KAT2A: variants seen among roughly 807,000 people sequenced by gnomAD.
The protein encoded by KAT2A is lysine acetyltransferase 2A, also known as histone acetyltransferase KAT2A.
A neutral mutation model predicts 95.2 loss-of-function variants in KAT2A; 42 were observed. The observed-to-expected ratio is 0.44, with a 90% CI of 0.34 to 0.57. The LOEUF is 0.57. Ranked by LOEUF, KAT2A falls within the 20% of genes least tolerant of loss-of-function variation. The pLI, the probability that KAT2A is intolerant of heterozygous loss-of-function variation, is 0.01. For missense variants in KAT2A, 784 were observed against 1,126.3 expected (o/e 0.70, Z 4.35); for synonymous variants, 449 against 448.2 (o/e 1.00, Z -0.02).
At chr17:42,118,938 GGA>G (rs2054298642) in intron 6 of KAT2A, 2 of 929,140 alleles carry the variant, frequency 2.2e-6, no homozygotes. Context: ...CTGGTTTCTT[GGA>G]GAGTTGTGCA....
chr17:42,121,079 G>T lies in KAT2A; in HGVS notation c.226C>A (p.Pro76Thr). ...TGCTGGCTCAGGCCAGGTCGAGCCG[G>T]ATCCCCCCCGCTCCCGGCCCCCCCA... Reference protein sequence around the residue: ...GSGGAGSGGDPARPGLSQQQR... With the variant: ...GSGGAGSGGDTARPGLSQQQR... Residue 76 changes from proline (P) to threonine (T), a missense_variant, in exon 1 of 18, where the codon CCG becomes ACG. Coordinates refer to ENST00000225916, the MANE Select transcript of KAT2A (RefSeq NM_021078.3). The T allele has an allele frequency of 1.9e-6, 3 of 1,560,402 alleles. No individual in the cohort carries two copies. Among genetic ancestry groups the T allele is most frequent in the Non-Finnish European group, 2.6e-6 (3 of 1,155,978 alleles).
chr17:42,114,563 G>T lies in KAT2A; in HGVS notation c.2061C>A (p.Arg687=), dbSNP rs782466481. 1.9e-6 allele frequency: 3 copies of T among 1,614,044 alleles called. No homozygotes were observed. Among genetic ancestry groups the T allele is most frequent in the Non-Finnish European group, 2.5e-6 (3 of 1,179,986 alleles). The change falls in exon 14 of 18, where the codon CGC becomes CGA. Residue 687 remains arginine (R), a synonymous_variant. Coordinates refer to ENST00000225916, the MANE Select transcript of KAT2A (RefSeq NM_021078.3). The surrounding 1 kb of genome is among the most constrained non-coding windows in gnomAD (Gnocchi z 6.0). The part of the protein sequence containing the change: ...KLIERKQAQI[R]KVYPGLSCFK... ...AGCAGCTGAGCCCCGGGTAGACCTT[G>T]CGGATCTGGGCCTGTTTGCGCTCAA...
intron 6 of KAT2A, 133 bp from the exon 7 acceptor site, chr17:42,118,536 G>A (rs899342178): frequency 3.8e-5 from 25 of 649,380 alleles, no homozygotes; most frequent in African/African-American, 1.8e-5. Context: ...AGAGGGGACA[G>A]CCCCTGTCTT....
In KAT2A at chr17:42,118,210, T is replaced by G. The variant is rs1308204625; in HGVS notation, c.1180+87A>C. ...AGGTCCCTCAGTGGGATCCAGGGCC[T>G]CCGGCCCAGGTGAGCTCTCTTCCAC... On this transcript the variant is annotated intron_variant, in intron 7 of 17. Transcript: ENST00000225916. 1.6e-5 allele frequency: 18 copies of G among 1,092,386 alleles called. No homozygotes were observed. The African/African-American group carries it at 2.5e-4, about 15-fold the overall frequency. The allele number at this position is 1,092,386 out of a possible 1,614,324, so 67.7% of individuals were successfully genotyped here.
chr17:42,117,657 TCAG>T lies in KAT2A; in HGVS notation c.1428+18_1428+20del, dbSNP rs781801669. On this transcript the variant is annotated intron_variant, in intron 9 of 17. Coordinates refer to ENST00000225916, the MANE Select transcript of KAT2A (RefSeq NM_021078.3). This position sits in a 1 kb window ranked among gnomAD's most constrained non-coding sequence, Gnocchi z 8.9. ...AGGTTGGTGGGGGTCCCCCAACTGG[TCAG>T]CAGGTCGGGCTGCCCACCTCAGGCC... 8 of 1,606,206 alleles carry T rather than the reference TCAG, an allele frequency of 5.0e-6. No individual in the cohort carries two copies. In the East Asian group the frequency reaches 1.3e-4, roughly 27 times the overall value.
At chr17:42,116,973 G>T (rs1232471051) in intron 11 of KAT2A, 62 bp downstream of exon 11, 1 of 1,597,792 alleles carries the variant, frequency 6.3e-7, no homozygotes, top group Non-Finnish European at 8.5e-7. Context: ...CTGCTGCTCC[G>T]AACTGGCCCA....
At position 42,114,828 on chromosome 17, in the gene KAT2A, G is replaced by A. The variant is rs781991174; in HGVS notation, c.2019+64C>T. 448 of 1,541,614 alleles carry A rather than the reference G, an allele frequency of 2.9e-4. 2 individuals are homozygous for A. The highest frequency in any genetic ancestry group is 6.7e-4 in the East Asian group (30 of 44,546). ...GTAGACGTAGAACAGGTCTACACAC[G>A]TGTGCTCGCCCTCTGCATGCCCATT... On this transcript the variant is annotated intron_variant, in intron 13 of 17. Coordinates refer to ENST00000225916, the MANE Select transcript of KAT2A (RefSeq NM_021078.3). This position sits in a 1 kb window ranked among gnomAD's most constrained non-coding sequence, Gnocchi z 6.0.
At position 42,119,222 on chromosome 17, in the gene KAT2A, TG is replaced by T. The variant is rs1555666747; in HGVS notation, c.1073+22del. 1 of 1,580,660 alleles carries T rather than the reference TG, an allele frequency of 6.3e-7. No homozygotes were observed. The highest frequency in any genetic ancestry group is 8.6e-7 in the Non-Finnish European group (1 of 1,159,694). On this transcript the variant is annotated intron_variant, in intron 6 of 17. Coordinates refer to ENST00000225916, the MANE Select transcript of KAT2A (RefSeq NM_021078.3). This position sits in a 1 kb window ranked among gnomAD's most constrained non-coding sequence, Gnocchi z 5.3. ...AGGATGTGAACTTGGGGCCAAATCC[TG>T]GTAGGCCAGAAGGAGCCTTACTTGG... is the stretch of plus-strand genomic sequence containing the variant.
chr17:42,113,887 C>A, intron 17 of KAT2A, 45 bp from the exon 18 acceptor site: 2 of 1,512,144 alleles, frequency 1.3e-6, no homozygotes, highest in Non-Finnish European at 8.8e-7. Context: ...GGCTGAAGAC[C>A]ACGGCAGGGC....
intron 2 of KAT2A, 41 bp downstream of exon 2, chr17:42,120,665 C>T: frequency 6.2e-7 from 1 of 1,613,006 alleles, no homozygotes; most frequent in East Asian, 2.2e-5. Context: ...CAAGCAGGAC[C>T]CAGCACCTGC....
rs35184688 is a variant in KAT2A at position 42,120,388 on chromosome 17, G to A, written c.464-18C>T. The A allele has an allele frequency of 6.8e-6, 11 of 1,613,384 alleles. No homozygotes were observed. The highest frequency in any genetic ancestry group is 9.3e-6 in the Non-Finnish European group (11 of 1,179,480). ...GTGGTCAGCTGCAAGACAGATGGCAGAGTTAGGAAAAATTGATAGAAGAAA... is the reference window on the plus strand; with the variant it reads ...GTGGTCAGCTGCAAGACAGATGGCAAAGTTAGGAAAAATTGATAGAAGAAA... On this transcript the variant is annotated intron_variant, in intron 2 of 17. Coordinates refer to ENST00000225916, the MANE Select transcript of KAT2A (RefSeq NM_021078.3).
At position 42,119,262 on chromosome 17, in the gene KAT2A, G is replaced by A. The variant is rs1255954234; in HGVS notation, c.1056C>T (p.Ile352=). The change falls in exon 6 of 18, where the codon ATC becomes ATT. Residue 352 remains isoleucine (I), a synonymous_variant. Coordinates refer to ENST00000225916, the MANE Select transcript of KAT2A (RefSeq NM_021078.3). The surrounding 1 kb of genome is among the most constrained non-coding windows in gnomAD (Gnocchi z 5.3). ...AGCCTTACTTGGGGAAGTGAGTGAGGATGAGGGTCCTCTTCTCGGGCACCA... is the reference window on the plus strand; with the variant it reads ...AGCCTTACTTGGGGAAGTGAGTGAGAATGAGGGTCCTCTTCTCGGGCACCA... ...DKLVPEKRTL[I]LTHFPKFLSM... is the part of the protein sequence containing the mutation. 11 of 1,611,318 alleles carry A rather than the reference G, an allele frequency of 6.8e-6. No individual in the cohort carries two copies. Among genetic ancestry groups the A allele is most frequent in the Admixed American group, 5.0e-5 (3 of 59,866 alleles).
chr17:42,119,623 A>C lies in KAT2A; in HGVS notation c.795T>G (p.Leu265=). 2 of 1,614,078 alleles carry C rather than the reference A, an allele frequency of 1.2e-6. No homozygotes were observed. Among genetic ancestry groups the C allele is most frequent in the East Asian group, 2.2e-5 (1 of 44,870 alleles). Residue 265 remains leucine (L), a synonymous_variant, in exon 5 of 18, where the codon CTT becomes CTG. Transcript: ENST00000225916. The surrounding 1 kb of genome is among the most constrained non-coding windows in gnomAD (Gnocchi z 5.3). ...FELSKMFLLC[L]NYWKLETPAQ... ...CAGGTGTCTCAAGCTTCCAGTAGTT[A>C]AGGCAGAGCAAGAACATCTTTGAGA...
In KAT2A at chr17:42,119,327, G is replaced by A; in HGVS notation, c.991C>T (p.Arg331Trp). ...ACTCGGAACTTTTCCAGCAGCTGCC[G>A]GCGGGTAACGGTGAAAATGGACCGG... ...LLRSIFTVTR[R>W]QLLEKFRVEK... The change falls in exon 6 of 18, where the codon CGG (arginine) becomes TGG (tryptophan). Residue 331 changes from arginine to tryptophan, a missense_variant. Transcript: ENST00000225916. This position sits in a 1 kb window ranked among gnomAD's most constrained non-coding sequence, Gnocchi z 5.3. 3 of 1,614,124 alleles carry A rather than the reference G, an allele frequency of 1.9e-6. No individual in the cohort carries two copies. Among genetic ancestry groups the A allele is most frequent in the Non-Finnish European group, 1.7e-6 (2 of 1,179,974 alleles).
Position 42,117,857 on chromosome 17 carries a change from G to T in KAT2A, c.1292-43C>A. The T allele has an allele frequency of 1.2e-6, 2 of 1,608,494 alleles. No individual in the cohort carries two copies. The highest frequency in any genetic ancestry group is 1.7e-6 in the Non-Finnish European group (2 of 1,176,034). On this transcript the variant is annotated intron_variant, in intron 8 of 17. Transcript: ENST00000225916. This position sits in a 1 kb window ranked among gnomAD's most constrained non-coding sequence, Gnocchi z 8.9. Reference sequence around the variant, plus strand: ...AAGGTTGCTCAGGATCAGTAAAAAAGGTTTGGGAAGGAGTGAATGAGGGTC... The same window carrying T: ...AAGGTTGCTCAGGATCAGTAAAAAATGTTTGGGAAGGAGTGAATGAGGGTC...
At position 42,114,884 on chromosome 17, in the gene KAT2A, C is replaced by T. The variant is rs1568009890; in HGVS notation, c.2019+8G>A. 15 of 1,613,862 alleles carry T rather than the reference C, an allele frequency of 9.3e-6. No homozygotes were observed. The highest frequency in any genetic ancestry group is 1.2e-5 in the Non-Finnish European group (14 of 1,179,856). On this transcript the variant is annotated splice_region_variant and intron_variant, in intron 13 of 17. Coordinates refer to ENST00000225916, the MANE Select transcript of KAT2A (RefSeq NM_021078.3). This position sits in a 1 kb window ranked among gnomAD's most constrained non-coding sequence, Gnocchi z 6.0. ...AAAATCCCACAGATGCGCATGTGTG[C>T]ACACCACCTCTTTCTGCTTCTTGAT...
rs528562172 is a variant in KAT2A at position 42,115,703 on chromosome 17, G to A, written c.1875+20C>T. 2.7e-6 allele frequency: 4 copies of A among 1,486,082 alleles called. No homozygotes were observed. In the South Asian group the frequency reaches 4.5e-5, roughly 17 times the overall value. The allele number at this position is 1,486,082 out of a possible 1,614,324, so 92.1% of individuals were successfully genotyped here. On this transcript the variant is annotated intron_variant, in intron 12 of 17. Coordinates refer to ENST00000225916, the MANE Select transcript of KAT2A (RefSeq NM_021078.3). ...CAGCCTCCAGGCAAAGGACCGGTGT[G>A]GGACGAGGCTACGGGTCACCTGCTT...
rs1385110939 is a variant in KAT2A at position 42,114,058 on chromosome 17, C to T, written c.2262G>A (p.Met754Ile). 3 of 1,530,030 alleles carry T rather than the reference C, an allele frequency of 2.0e-6. No homozygotes were observed. Among genetic ancestry groups the T allele is most frequent in the Non-Finnish European group, 2.6e-6 (3 of 1,144,502 alleles). 94.8% of individuals were successfully genotyped at this position (1,530,030 alleles called of 1,614,324 possible). Reference protein sequence around the residue: ...IKSHPSAWPFMEPVKKSEAPD... With the variant: ...IKSHPSAWPFIEPVKKSEAPD... ...GGGCCTCCGACTTCTTCACAGGCTCCATGAAGGGCCAGGCACTGGGGTGAG... is the reference window on the plus strand; with the variant it reads ...GGGCCTCCGACTTCTTCACAGGCTCTATGAAGGGCCAGGCACTGGGGTGAG... Residue 754 changes from methionine to isoleucine, a missense_variant, in exon 17 of 18, where the codon ATG (methionine) becomes ATA (isoleucine). By Grantham distance (10) the Met-to-Ile change is conservative. Around this residue, in one of 6 missense-constraint regions of KAT2A, gnomAD observed 195 missense variants for 247.1 expected, o/e 0.79. Coordinates refer to ENST00000225916, the MANE Select transcript of KAT2A (RefSeq NM_021078.3). The surrounding 1 kb of genome is among the most constrained non-coding windows in gnomAD (Gnocchi z 6.0).
rs781856289 is a variant in KAT2A, at chr17:42,117,801, C to T, written c.1305G>A (p.Thr435=). Reference sequence around the variant, plus strand: ...CCTCCAGGGTCAGGTTCTCTGGGAGCGTCCTCTTCTCGCCTATTGGGGAGG... The same window carrying T: ...CCTCCAGGGTCAGGTTCTCTGGGAGTGTCCTCTTCTCGCCTATTGGGGAGG... The part of the protein sequence containing the change: ...GAEPMPGEKR[T]LPENLTLEDA... Residue 435 remains threonine, a synonymous_variant, in exon 9 of 18, where the codon ACG becomes ACA. Transcript: ENST00000225916. This position sits in a 1 kb window ranked among gnomAD's most constrained non-coding sequence, Gnocchi z 8.9. 1.2e-6 allele frequency: 2 copies of T among 1,613,900 alleles called. No homozygotes were observed. Among genetic ancestry groups the T allele is most frequent in the Non-Finnish European group, 1.7e-6 (2 of 1,179,856 alleles).
Sources: allele counts gnomAD v4.1 joint callset, GRCh38; gene constraint gnomAD v4.1.1; regional missense constraint gnomAD v4.1.1; non-coding constraint Gnocchi (gnomAD v3.1); transcripts MANE v1.5; gene names NCBI Gene and HGNC (gene_info 2026-07-23, HGNC 2026-07-21).